Variants in C4BPB observed in about 807,000 individuals in gnomAD.
The protein encoded by C4BPB is complement component 4 binding protein beta, also known as C4b-binding protein beta chain.
C4BPB carries 19 observed loss-of-function variants against 26.6 expected under a neutral mutation model. The observed-to-expected ratio is 0.71, with a 90% CI of 0.50 to 1.05. The LOEUF is 1.05. Ranked by LOEUF, C4BPB falls within the 50% of genes least tolerant of loss-of-function variation. C4BPB has a pLI of 0.00. For missense variants in C4BPB, 282 were observed against 302.9 expected (o/e 0.93, Z 0.51); for synonymous variants, 118 against 103.5 (o/e 1.14, Z -0.85).
chr1:207,099,041 A>T (rs1684365888), intron 6 of C4BPB, among the ~76,000 whole-genome samples: 1 of 148,374 alleles, frequency 6.7e-6, no homozygotes, highest in Non-Finnish European at 1.5e-5. Context: ...ACAGTGACAG[A>T]TCATCAGGCA....
At chr1:207,091,088 AT>A (rs1464025244) in intron 3 of C4BPB, among the ~76,000 whole-genome samples, 1 of 152,218 alleles carries the variant, frequency 6.6e-6, no homozygotes, top group Non-Finnish European at 1.5e-5. Context: ...TAATTAATCC[AT>A]ATCCTATTTA....
chr1:207,094,301 C>T (rs1205342475), intron 4 of C4BPB, among the ~76,000 whole-genome samples: 5 of 151,004 alleles, frequency 3.3e-5, no homozygotes, highest in Admixed American at 1.3e-4. Flanking sequence ...CACAGTGAGG[C>T]CTGTCTCTAA....
At chr1:207,096,327 A>G (rs1426611500) in intron 4 of C4BPB, 195 bp from the exon 5 acceptor site, 2 of 571,608 alleles carry the variant, frequency 3.5e-6, no homozygotes, top group African/African-American at 1.9e-5. Context: ...ATGGACAAAT[A>G]TGATTTAGAA....
chr1:207,090,253 G>A, intron 2 of C4BPB, 55 bp from the exon 3 acceptor site: 2 of 1,358,562 alleles, frequency 1.5e-6, no homozygotes, highest in African/African-American at 1.5e-5. Context: ...ATCTAATAAG[G>A]GTTCTCTGAC....
chr1:207,090,512 TA>T (rs768326603), intron 3 of C4BPB, 31 bp downstream of exon 3: 2 of 1,560,888 alleles, frequency 1.3e-6, no homozygotes, highest in East Asian at 4.7e-5. Context: ...TCTTTGCCCA[TA>T]TTGATATCCT....
intron 6 of C4BPB, 70 bp downstream of exon 6, chr1:207,098,334 T>C (rs564051228): frequency 6.3e-6 from 6 of 950,520 alleles, no homozygotes; most frequent in Non-Finnish European, 1.7e-6. Flanking sequence ...TCCTGGCATA[T>C]GCTCAGTATA....
intron 4 of C4BPB, among the ~76,000 whole-genome samples, chr1:207,092,917 A>G (rs1432466161): frequency 6.6e-6 from 1 of 152,038 alleles, no homozygotes; most frequent in East Asian, 1.9e-4. Context: ...GAGCCACCGC[A>G]CCAGGCTACT....
intron 3 of C4BPB, among the ~76,000 whole-genome samples, 188 bp downstream of exon 3, chr1:207,090,669 A>G (rs1354463998): frequency 1.3e-5 from 2 of 152,266 alleles, no homozygotes; most frequent in Non-Finnish European, 2.9e-5. Flanking sequence ...CTTGATCAGT[A>G]TTAATTCAGT....
At chr1:207,095,665 G>C (rs1412308754) in intron 4 of C4BPB, 1 of 340,528 alleles carries the variant, frequency 2.9e-6, no homozygotes, top group Non-Finnish European at 5.8e-6. Context: ...GATATAGTTT[G>C]GATGTGTGTT....
chr1:207,090,276 G>A (rs1277763395), intron 2 of C4BPB, 32 bp from the exon 3 acceptor site: 1 of 1,556,764 alleles, frequency 6.4e-7, no homozygotes, highest in Non-Finnish European at 8.7e-7. Flanking sequence ...CACATGATAT[G>A]CCAAGTGAAT....
At chr1:207,091,992 A>G in intron 4 of C4BPB, 172 bp downstream of exon 4, 1 of 578,780 alleles carries the variant, frequency 1.7e-6, no homozygotes, top group East Asian at 2.8e-5. Context: ...TCTCACCTCA[A>G]GAGAATACAT....
chr1:207,099,698 T>C, intron 6 of C4BPB, 91 bp from the exon 7 acceptor site: 1 of 1,035,744 alleles, frequency 9.7e-7, no homozygotes, highest in Non-Finnish European at 1.4e-6. Flanking sequence ...GAGCCCCCAT[T>C]CAGAGAGCTA....
chr1:207,091,894 C>A, intron 4 of C4BPB, 74 bp downstream of exon 4: 1 of 1,259,088 alleles, frequency 7.9e-7, no homozygotes. Context: ...TTGCCACATC[C>A]CTGGGATGCT....
At chr1:207,096,395 G>A in intron 4 of C4BPB, 127 bp from the exon 5 acceptor site, 2 of 698,314 alleles carry the variant, frequency 2.9e-6, no homozygotes, top group Middle Eastern at 3.2e-4. Context: ...CTGTGAGGAT[G>A]TCAGGTGCTG....
In C4BPB at chr1:207,089,566, C is replaced by T. The variant is rs146846149; in HGVS notation, c.35C>T (p.Ala12Val). 3.3e-5 allele frequency: 54 copies of T among 1,613,850 alleles called. No individual in the cohort carries two copies. Among genetic ancestry groups the T allele is most frequent in the Middle Eastern group, 1.6e-4 (1 of 6,084 alleles). Residue 12 changes from alanine (A) to valine (V), a missense_variant, in exon 2 of 7, where the codon GCG becomes GTG. Coordinates refer to ENST00000367078, the MANE Select transcript of C4BPB (RefSeq NM_001017365.3). ...FFWCACCLMV[A>V]WRVSASDAEH... Reference sequence around the variant, plus strand: ...TGGTGTGCGTGCTGTCTTATGGTTGCGTGGCGAGTTTCTGCTTCAGATGGT... The same window carrying T: ...TGGTGTGCGTGCTGTCTTATGGTTGTGTGGCGAGTTTCTGCTTCAGATGGT...
At position 207,089,403 on chromosome 1, in the gene C4BPB, A is replaced by G. The variant is rs1405482750; in HGVS notation, c.-50-79A>G. ...TCATTTTCTCCAGGGAGGGTAAATC[A>G]ATATAACCTCTTCTCTAGAGAGGAG... On this transcript the variant is annotated intron_variant, in intron 1 of 6. Transcript: ENST00000367078. 4.3e-6 allele frequency: 3 copies of G among 704,644 alleles called. No homozygotes were observed. The East Asian group carries it at 8.0e-5, about 19-fold the overall frequency. 43.6% of individuals were successfully genotyped at this position (704,644 alleles called of 1,614,324 possible). A position where few individuals can be genotyped will look rare whatever the true frequency, so the allele number is the denominator to read the frequency against.
chr1:207,089,125 C>G lies in C4BPB; in HGVS notation c.-51+179C>G, dbSNP rs1683920270. On this transcript the variant is annotated intron_variant, in intron 1 of 6. Coordinates refer to ENST00000367078, the MANE Select transcript of C4BPB (RefSeq NM_001017365.3). ...GCTGGCCAGAGTTACAGAAGTTGGA[C>G]TGTAAACATTGGCAACTATTGACAG... The G allele has an allele frequency of 3.3e-5, 6 of 180,788 alleles. No individual in the cohort carries two copies. The South Asian group carries it at 7.9e-4, about 24-fold the overall frequency. 11.2% of individuals were successfully genotyped at this position (180,788 alleles called of 1,614,324 possible).
Position 207,099,792 on chromosome 1 carries a change from G to C in C4BPB, c.622G>C (p.Ala208Pro), listed in dbSNP as rs1684393811. ...PKPECEKALL[A>P]FQESKNLCEA... is the part of the protein sequence containing the mutation. ...GTGAAAAATTTTCTTTCTTCAGCTT[G>C]CCTTTCAGGAGAGTAAGAACCTCTG... Residue 208 changes from alanine to proline, a missense_variant, in exon 7 of 7, where the codon GCC becomes CCC. Transcript: ENST00000367078. 2 of 1,608,624 alleles carry C rather than the reference G, an allele frequency of 1.2e-6. No individual in the cohort carries two copies. Among genetic ancestry groups the C allele is most frequent in the Non-Finnish European group, 1.7e-6 (2 of 1,178,542 alleles).
Position 207,089,514 on chromosome 1 carries a change from G to A in C4BPB, c.-18G>A. On this transcript the variant is annotated 5_prime_UTR_variant, in exon 2 of 7. Transcript: ENST00000367078. ...AGCTGGGTGAATTCCAGCCTGGGGA[G>A]AGGACTTTGATCACCAGATGTTTTT... The A allele has an allele frequency of 1.2e-6, 2 of 1,613,606 alleles. No individual in the cohort carries two copies. Among genetic ancestry groups the A allele is most frequent in the Non-Finnish European group, 8.5e-7 (1 of 1,179,574 alleles).
Sources: allele counts gnomAD v4.1 joint callset (sites outside exome capture counted in the v4.1 genomes callset), GRCh38; gene constraint gnomAD v4.1.1; transcripts MANE v1.5; gene names NCBI Gene and HGNC (gene_info 2026-07-23, HGNC 2026-07-21).